ZNF706: variants seen among roughly 807,000 people sequenced by gnomAD.
ZNF706 encodes transcriptional regulator ZNF706.
Under a neutral mutation model 9.2 loss-of-function variants are expected in ZNF706, and 4 were observed. That is an observed-to-expected ratio of 0.43 (90% CI 0.21 to 0.99). ZNF706 has a LOEUF of 0.99. Among genes scored for constraint, ZNF706 ranks in the 50% least tolerant of loss-of-function variants. ZNF706 has a pLI of 0.26. For synonymous variants in ZNF706, 28 were observed against 27.3 expected, an observed-to-expected ratio of 1.03 and a Z score of -0.08; for missense variants, 27 against 87.8, an observed-to-expected ratio of 0.31 and a Z score of 2.77.
chr8:101,206,067 C>A (rs1311295984), upstream of ZNF706: 1 of 151,870 alleles, frequency 6.6e-6, no homozygotes, highest in Non-Finnish European at 1.5e-5. Context: ...CCCAGGCTGA[C>A]GCGCCCGTCT....
Position 101,198,747 on chromosome 8 carries a change from T to C in ZNF706, c.*505A>G, listed in dbSNP as rs970558312. ...GTCATTTTTCACCTAGATCATCAGCTGCCCATAAAATCGTATGCACAATTT... is the reference window on the plus strand; with the variant it reads ...GTCATTTTTCACCTAGATCATCAGCCGCCCATAAAATCGTATGCACAATTT... On this transcript the variant is annotated 3_prime_UTR_variant, in exon 4 of 4. Coordinates refer to ENST00000311212, the MANE Select transcript of ZNF706 (RefSeq NM_016096.5). 6.5e-6 allele frequency: 1 copy of C among 153,396 alleles called. No individual in the cohort carries two copies. Among genetic ancestry groups the C allele is most frequent in the Admixed American group, 6.5e-5 (1 of 15,336 alleles). 9.5% of individuals were successfully genotyped at this position (153,396 alleles called of 1,614,324 possible). A position where few individuals can be genotyped will look rare whatever the true frequency, so the allele number is the denominator to read the frequency against.
chr8:101,201,668 T>C lies in ZNF706; in HGVS notation c.74A>G (p.Gln25Arg). 6.2e-7 allele frequency: 1 copy of C among 1,613,512 alleles called. No homozygotes were observed. The highest frequency in any genetic ancestry group is 8.5e-7 in the Non-Finnish European group (1 of 1,180,020). The change falls in exon 2 of 4, where the codon CAA (glutamine) becomes CGA (arginine). Residue 25 changes from glutamine (Q) to arginine (R), a missense_variant. Transcript: ENST00000311212. The surrounding 1 kb of genome is among the most constrained non-coding windows in gnomAD (Gnocchi z 4.5). ...AKKQAGQKKK[Q>R]GHDQKAAAKA... ...GGCAGCAGCCTTTTGGTCATGTCCT[T>C]GTTTCTTCTTTTGTCCAGCTTGCTT...
chr8:101,202,284 C>CAAAAAAAAAAAAAAA (rs35732775), intron 1 of ZNF706: 2 of 81,618 alleles, frequency 2.5e-5, no homozygotes, highest in East Asian at 3.6e-4. Flanking sequence ...ACTAAAAATA[C>CAAAAAAAAAAAAAAA]AAAAAAAAAA....
intron 1 of ZNF706, chr8:101,203,662 A>G (rs991444405): frequency 6.6e-6 from 1 of 152,192 alleles, no homozygotes; most frequent in African/African-American, 2.4e-5. Context: ...GGGTTTTTAT[A>G]TTAGGGTAGC....
chr8:101,202,721 C>T (rs897193069), intron 1 of ZNF706: 1 of 152,142 alleles, frequency 6.6e-6, no homozygotes, highest in African/African-American at 2.4e-5. Flanking sequence ...ATTGTACACT[C>T]AAGATTTATG....
chr8:101,203,372 T>C (rs1041588656), intron 1 of ZNF706: 1 of 152,178 alleles, frequency 6.6e-6, no homozygotes, highest in Non-Finnish European at 1.5e-5. Flanking sequence ...ATGTAAATCA[T>C]TGCAGGACAG....
Position 101,197,475 on chromosome 8 carries a change from A to C in ZNF706, c.*1777T>G, listed in dbSNP as rs935996876. On this transcript the variant is annotated 3_prime_UTR_variant, in exon 4 of 4. Transcript: ENST00000311212. Reference sequence around the variant, plus strand: ...ATATGGTGTCTTCAGCTGCTTATAAAAAAGGGTTAAATACAAGAACAAAAA... The same window carrying C: ...ATATGGTGTCTTCAGCTGCTTATAACAAAGGGTTAAATACAAGAACAAAAA... The C allele has an allele frequency of 9.9e-5, 15 of 152,168 alleles. No homozygotes were observed. The highest frequency in any genetic ancestry group is 3.6e-4 in the African/African-American group (15 of 41,452). The allele number at this position is 152,168 out of a possible 1,614,324, so 9.4% of individuals were successfully genotyped here. A position where few individuals can be genotyped will look rare whatever the true frequency, so the allele number is the denominator to read the frequency against.
At chr8:101,199,787 T>C (rs1810493536) in intron 3 of ZNF706, among the ~76,000 whole-genome samples, 1 of 152,246 alleles carries the variant, frequency 6.6e-6, no homozygotes, top group Non-Finnish European at 1.5e-5. Context: ...CATTTTTGGC[T>C]ACAGTAGTAA....
At position 101,198,077 on chromosome 8, in the gene ZNF706, GCCTT is replaced by G. The variant is rs1810427365; in HGVS notation, c.*1171_*1174del. ...GCAAATTAGAAGAACTCTAAAATTAGCCTTCCTTAATTGGGTAAGATTTACCATA... is the reference window on the plus strand; with the variant it reads ...GCAAATTAGAAGAACTCTAAAATTAGCCTTAATTGGGTAAGATTTACCATA... On this transcript the variant is annotated 3_prime_UTR_variant, in exon 4 of 4. Coordinates refer to ENST00000311212, the MANE Select transcript of ZNF706 (RefSeq NM_016096.5). 1 of 152,184 alleles carries G rather than the reference GCCTT, an allele frequency of 6.6e-6. No individual in the cohort carries two copies. The highest frequency in any genetic ancestry group is 1.5e-5 in the Non-Finnish European group (1 of 68,010). The allele number at this position is 152,184 out of a possible 1,614,324, so 9.4% of individuals were successfully genotyped here.
At chr8:101,203,435 C>T (rs1326963472) in intron 1 of ZNF706, 13 of 152,112 alleles carry the variant, frequency 8.5e-5, no homozygotes, top group Admixed American at 6.5e-4. Context: ...CTAGCTTCTT[C>T]TGACTAGGAC....
At chr8:101,202,605 C>T (rs1363980048) in intron 1 of ZNF706, 1 of 152,038 alleles carries the variant, frequency 6.6e-6, no homozygotes, top group Non-Finnish European at 1.5e-5. Context: ...AAAGGGGTCA[C>T]CTTGGGGGTT....
intron 1 of ZNF706, chr8:101,204,028 A>G (rs1291259349): frequency 6.6e-6 from 1 of 152,234 alleles, no homozygotes; most frequent in Non-Finnish European, 1.5e-5. Context: ...GTAACAAAAT[A>G]GCCAGTCTTC....
intron 1 of ZNF706, chr8:101,204,666 C>A: frequency 1.0e-6 from 1 of 985,434 alleles, no homozygotes; most frequent in Non-Finnish European, 1.2e-6. Context: ...GTTTTTAATG[C>A]AACTCTCAGT....
rs1038917824 is a variant in ZNF706 at position 101,201,510 on chromosome 8, T to C, written c.135+97A>G. 8.3e-6 allele frequency: 9 copies of C among 1,090,168 alleles called. No homozygotes were observed. The African/African-American group carries it at 1.1e-4, about 14-fold the overall frequency. 67.5% of individuals were successfully genotyped at this position (1,090,168 alleles called of 1,614,324 possible). On this transcript the variant is annotated intron_variant, in intron 2 of 3. Coordinates refer to ENST00000311212, the MANE Select transcript of ZNF706 (RefSeq NM_016096.5). The surrounding 1 kb of genome is among the most constrained non-coding windows in gnomAD (Gnocchi z 4.5). ...ATCAGCTCTCAAACCTACTATTTCA[T>C]GTAAAGCATCTATTTTGCCATGGTT...
In ZNF706 at chr8:101,197,084, C is replaced by G. The variant is rs921124984; in HGVS notation, c.*2168G>C. ...TAATATCTTCTTTAATAAGACATTA[C>G]AGCACACAACTGAGCCCCCAGTGTG... On this transcript the variant is annotated 3_prime_UTR_variant, in exon 4 of 4. Coordinates refer to ENST00000311212, the MANE Select transcript of ZNF706 (RefSeq NM_016096.5). The G allele has an allele frequency of 6.6e-6, 1 of 152,078 alleles. No individual in the cohort carries two copies. Among genetic ancestry groups the G allele is most frequent in the Non-Finnish European group, 1.5e-5 (1 of 67,992 alleles). The allele number at this position is 152,078 out of a possible 1,614,324, so 9.4% of individuals were successfully genotyped here. A position where few individuals can be genotyped will look rare whatever the true frequency, so the allele number is the denominator to read the frequency against.
intron 3 of ZNF706, among the ~76,000 whole-genome samples, chr8:101,199,782 T>C (rs1381785444): frequency 2.6e-5 from 4 of 152,230 alleles, no homozygotes; most frequent in African/African-American, 9.6e-5. Context: ...CTCCCCATTT[T>C]TGGCTACAGT....
chr8:101,197,573 A>C lies in ZNF706; in HGVS notation c.*1679T>G, dbSNP rs547558881. ...CAAAACTTGTGAATGGTTTTATATG[A>C]TTTGTCACTAAACATATACATATGC... On this transcript the variant is annotated 3_prime_UTR_variant, in exon 4 of 4. Transcript: ENST00000311212. 1 of 152,176 alleles carries C rather than the reference A, an allele frequency of 6.6e-6. No individual in the cohort carries two copies. Among genetic ancestry groups the C allele is most frequent in the South Asian group, 2.1e-4 (1 of 4,828 alleles). 9.4% of individuals were successfully genotyped at this position (152,176 alleles called of 1,614,324 possible).
chr8:101,201,828 G>T lies in ZNF706; in HGVS notation c.-2-85C>A. 7.2e-7 allele frequency: 1 copy of T among 1,381,446 alleles called. No homozygotes were observed. The highest frequency in any genetic ancestry group is 9.8e-7 in the Non-Finnish European group (1 of 1,015,926). The allele number at this position is 1,381,446 out of a possible 1,614,324, so 85.6% of individuals were successfully genotyped here. ...GCATAAGAACGTTCTTAGAATTGAA[G>T]CCTTAAGTTTTATAGAAATATCTGG... On this transcript the variant is annotated intron_variant, in intron 1 of 3. Transcript: ENST00000311212. The surrounding 1 kb of genome is among the most constrained non-coding windows in gnomAD (Gnocchi z 4.5).
In ZNF706 at chr8:101,197,685, T is replaced by C. The variant is rs1022152639; in HGVS notation, c.*1567A>G. ...GAAATTAGGTAAAATTCTAACGTTC[T>C]GGTAATCGACATGTTAGGAAACAAC... is the stretch of plus-strand genomic sequence containing the variant. On this transcript the variant is annotated 3_prime_UTR_variant, in exon 4 of 4. Transcript: ENST00000311212. 1 of 152,236 alleles carries C rather than the reference T, an allele frequency of 6.6e-6. No homozygotes were observed. The highest frequency in any genetic ancestry group is 1.5e-5 in the Non-Finnish European group (1 of 68,038). 9.4% of individuals were successfully genotyped at this position (152,236 alleles called of 1,614,324 possible). A position where few individuals can be genotyped will look rare whatever the true frequency, so the allele number is the denominator to read the frequency against.
Sources: gnomAD v4.1 joint callset for allele counts (sites outside exome capture counted in the v4.1 genomes callset) on GRCh38, gnomAD v4.1.1 for gene constraint, Gnocchi (gnomAD v3.1) non-coding constraint, MANE v1.5 for transcripts, NCBI Gene and HGNC (gene_info 2026-07-23, HGNC 2026-07-21) for gene names.